Variants in HERC4 observed in about 807,000 individuals in gnomAD.
HERC4 encodes the protein HECT and RLD domain containing E3 ubiquitin protein ligase 4.
A neutral mutation model predicts 124.3 loss-of-function variants in HERC4; 28 were observed. The observed-to-expected ratio is 0.23, with a 90% CI of 0.17 to 0.31. HERC4 has a LOEUF of 0.31. Ranked by LOEUF, HERC4 falls within the 10% of genes least tolerant of loss-of-function variation. The pLI is 1.00. For synonymous variants in HERC4, 407 were observed against 421.5 expected, an observed-to-expected ratio of 0.97 and a Z score of 0.42; for missense variants, 713 against 1,229.3, an observed-to-expected ratio of 0.58 and a Z score of 6.28.
At chr10:68,030,397 C>T (rs2039141799) in intron 7 of HERC4, among the ~76,000 whole-genome samples, 1 of 152,094 alleles carries the variant, frequency 6.6e-6, no homozygotes, top group Non-Finnish European at 1.5e-5. Context: ...GCCAAGATCA[C>T]ACCACTGTAC....
chr10:67,932,226 G>C (rs2031897533), intron 23 of HERC4, among the ~76,000 whole-genome samples: 1 of 152,158 alleles, frequency 6.6e-6, no homozygotes, highest in Admixed American at 6.5e-5. Flanking sequence ...CAAAGTCCTG[G>C]GGTTACAGGT....
chr10:67,959,174 A>G (rs1467786782), intron 16 of HERC4: 2 of 1,557,222 alleles, frequency 1.3e-6, no homozygotes, highest in Non-Finnish European at 1.7e-6. Flanking sequence ...TAACGAGGAA[A>G]GAGCAATATT....
intron 8 of HERC4, among the ~76,000 whole-genome samples, 153 bp downstream of exon 8, chr10:68,025,393 T>A (rs957894069): frequency 2.0e-5 from 3 of 152,174 alleles, no homozygotes; most frequent in African/African-American, 4.8e-5. Context: ...AAAAAGATGT[T>A]TCTCCTGTTA....
At chr10:68,058,526 C>T (rs2040669094) in intron 3 of HERC4, among the ~76,000 whole-genome samples, 1 of 152,260 alleles carries the variant, frequency 6.6e-6, no homozygotes, top group Middle Eastern at 3.4e-3. Flanking sequence ...ATTGGTTTTT[C>T]TTCTAGGCAA....
intron 9 of HERC4, chr10:67,994,123 T>A (rs1289158208): frequency 1.3e-5 from 2 of 152,192 alleles, no homozygotes; most frequent in African/African-American, 4.8e-5. Context: ...AAATTTTCCG[T>A]AAGTCACAAG....
intron 11 of HERC4, 131 bp downstream of exon 11, chr10:67,992,068 G>C (rs1227391997): frequency 1.3e-6 from 1 of 759,518 alleles, no homozygotes; most frequent in African/African-American, 1.8e-5. Context: ...CCAGCTAATT[G>C]TATTTTTTTG....
chr10:68,043,895 T>A (rs2039896272), intron 4 of HERC4, among the ~76,000 whole-genome samples: 1 of 152,212 alleles, frequency 6.6e-6, no homozygotes, highest in African/African-American at 2.4e-5. Context: ...GCTTATTTTT[T>A]AATTGTGAAA....
chr10:68,031,466 TATG>T (rs1209553294), intron 7 of HERC4, among the ~76,000 whole-genome samples: 17 of 152,270 alleles, frequency 1.1e-4, no homozygotes, highest in African/African-American at 3.1e-4. Context: ...ATCAATAAAA[TATG>T]ATATTAGGTT....
At position 67,992,273 on chromosome 10, in the gene HERC4, G is replaced by A. The variant is rs752190655; in HGVS notation, c.1197C>T (p.Ile399=). 1.2e-6 allele frequency: 2 copies of A among 1,614,014 alleles called. No individual in the cohort carries two copies. The highest frequency in any genetic ancestry group is 3.3e-5 in the Admixed American group (2 of 60,026). ...GAATTAGAGCTTCATTCACTGTCCAGATCTGCTTTGTCGGATTGGGACATC... is the reference window on the plus strand; with the variant it reads ...GAATTAGAGCTTCATTCACTGTCCAAATCTGCTTTGTCGGATTGGGACATC... ...DFRCPNPTKQ[I]WTVNEALIQK... Residue 399 remains isoleucine, a synonymous_variant, in exon 11 of 25, where the codon ATC becomes ATT. Transcript: ENST00000373700.
At chr10:68,066,594 T>G (rs1253864871) in intron 3 of HERC4, among the ~76,000 whole-genome samples, 2 of 152,178 alleles carry the variant, frequency 1.3e-5, no homozygotes, top group Non-Finnish European at 2.9e-5. Context: ...CAATGCATCT[T>G]AGAGAGAGAT....
At position 68,010,614 on chromosome 10, in the gene HERC4, T is replaced by C; in HGVS notation, c.1069+3412A>G. On this transcript the variant is annotated intron_variant, in intron 9 of 24. Transcript: ENST00000373700. ...TCAGGCCTGCACGAGGGTTTCGGCTTTGCATATCTCCTGAATATTTTCATT... is the reference window on the plus strand; with the variant it reads ...TCAGGCCTGCACGAGGGTTTCGGCTCTGCATATCTCCTGAATATTTTCATT... 7 of 1,375,028 alleles carry C rather than the reference T, an allele frequency of 5.1e-6. No individual in the cohort carries two copies. The South Asian group carries it at 8.6e-5, about 17-fold the overall frequency. The allele number at this position is 1,375,028 out of a possible 1,614,324, so 85.2% of individuals were successfully genotyped here.
At chr10:68,039,964 C>A in intron 4 of HERC4, 1 of 767,586 alleles carries the variant, frequency 1.3e-6, no homozygotes, top group Non-Finnish European at 1.6e-6. Flanking sequence ...TCGCTACTAA[C>A]CACAGGTACC....
At chr10:67,941,394 C>T (rs755278309) in intron 19 of HERC4, among the ~76,000 whole-genome samples, 4 of 151,832 alleles carry the variant, frequency 2.6e-5, no homozygotes, top group South Asian at 2.1e-4. Context: ...TCATGTCATT[C>T]GACATTAAGT....
intron 9 of HERC4, among the ~76,000 whole-genome samples, chr10:67,996,458 T>C (rs2036888950): frequency 6.6e-6 from 1 of 152,194 alleles, no homozygotes; most frequent in Admixed American, 6.5e-5. Flanking sequence ...CAACTGTGTA[T>C]GTGCTTTTGT....
intron 3 of HERC4, among the ~76,000 whole-genome samples, chr10:68,071,315 A>T (rs2041562742): frequency 6.6e-6 from 1 of 152,236 alleles, no homozygotes; most frequent in Non-Finnish European, 1.5e-5. Flanking sequence ...CACTATAATC[A>T]TTATACTACT....
At chr10:67,979,283 A>T (rs1438663899) in intron 15 of HERC4, among the ~76,000 whole-genome samples, 1 of 152,168 alleles carries the variant, frequency 6.6e-6, no homozygotes, top group Non-Finnish European at 1.5e-5. Flanking sequence ...AAAGAGACTG[A>T]AATCATTTAA....
intron 15 of HERC4, among the ~76,000 whole-genome samples, chr10:67,982,021 T>G (rs2035961813): frequency 6.6e-6 from 1 of 152,172 alleles, no homozygotes; most frequent in Non-Finnish European, 1.5e-5. Context: ...TCAATATTGT[T>G]AAAATGTCCA....
intron 3 of HERC4, among the ~76,000 whole-genome samples, chr10:68,058,231 G>A (rs930615116): frequency 6.6e-6 from 1 of 151,930 alleles, no homozygotes; most frequent in Admixed American, 6.6e-5. Flanking sequence ...TAAAATTTTG[G>A]CATAGTCTTT....
intron 23 of HERC4, 138 bp from the exon 24 acceptor site, chr10:67,925,325 T>G (rs1311072176): frequency 1.9e-6 from 1 of 528,384 alleles, no homozygotes; most frequent in Non-Finnish European, 3.4e-6. Context: ...ATTTACAATT[T>G]GAAGCTATTA....
Sources: allele counts gnomAD v4.1 joint callset (sites outside exome capture counted in the v4.1 genomes callset), GRCh38; gene constraint gnomAD v4.1.1; transcripts MANE v1.5; gene names NCBI Gene and HGNC (gene_info 2026-07-23, HGNC 2026-07-21).